MAP3K5: variants seen among roughly 807,000 people sequenced by gnomAD.
MAP3K5 encodes the protein mitogen-activated protein kinase kinase kinase 5, also known as ASK-1.
Under a neutral mutation model 158.7 loss-of-function variants are expected in MAP3K5, and 56 were observed. The observed-to-expected ratio is 0.35, with a 90% confidence interval of 0.28 to 0.44. MAP3K5 has a LOEUF of 0.44. Ranked by LOEUF, MAP3K5 falls within the 20% of genes least tolerant of loss-of-function variation. The probability of loss-of-function intolerance (pLI) is 1.00; values close to 1 mark genes in which losing one functional copy is unlikely to be tolerated. For missense variants in MAP3K5, 1,294 were observed against 1,674.8 expected, an observed-to-expected ratio of 0.77 and a Z score of 3.97; for synonymous variants, 579 against 601.7, an observed-to-expected ratio of 0.96 and a Z score of 0.55.
At chr6:136,770,252 T>G (rs1420444450) in intron 1 of MAP3K5, among the ~76,000 whole-genome samples, 1 of 152,162 alleles carries the variant, frequency 6.6e-6, no homozygotes, top group African/African-American at 2.4e-5. Flanking sequence ...TTTCACAAAT[T>G]ATATTACAGT....
At chr6:136,662,522 CCTCT>C (rs926837448) in intron 8 of MAP3K5, among the ~76,000 whole-genome samples, 6 of 151,062 alleles carry the variant, frequency 4.0e-5, no homozygotes, top group Non-Finnish European at 7.4e-5. Flanking sequence ...TCTCTCTCTC[CCTCT>C]CTCTCTTCCT....
chr6:136,755,616 G>A (rs1783441284), intron 1 of MAP3K5, among the ~76,000 whole-genome samples: 1 of 150,838 alleles, frequency 6.6e-6, no homozygotes, highest in Admixed American at 6.6e-5. Context: ...AAGAGCCTGG[G>A]AGGTCAAGGC....
At chr6:136,560,514 A>G (rs1335279862) in intron 28 of MAP3K5, among the ~76,000 whole-genome samples, 8 of 152,212 alleles carry the variant, frequency 5.3e-5, no homozygotes, top group African/African-American at 1.9e-4. Context: ...TACAGAGCAG[A>G]GAGGAATTAG....
intron 1 of MAP3K5, among the ~76,000 whole-genome samples, chr6:136,757,102 C>A (rs1783524647): frequency 6.6e-6 from 1 of 152,202 alleles, no homozygotes; most frequent in Admixed American, 6.5e-5. Context: ...CTAGACCATT[C>A]AAGTCATCTA....
At position 136,618,312 on chromosome 6, in the gene MAP3K5, A is replaced by AT. The variant is rs781606315; in HGVS notation, c.2151-4027_2151-4026insA. Among the ~76,000 whole-genome samples the AT allele has an allele frequency of 3.9e-5, 6 of 152,336 alleles. No individual in the cohort carries two copies. In the East Asian group the frequency reaches 7.7e-4, roughly 20 times the overall value. The stretch of plus-strand genomic sequence containing the variant: ...ACTTTGTTTGCTGTATCTTCACAAT[A>AT]ATAGAGTTGTCTGCGATCTCTTTAC... On this transcript the variant is annotated intron_variant, in intron 15 of 29. Coordinates refer to ENST00000359015, the MANE Select transcript of MAP3K5 (RefSeq NM_005923.4).
intron 8 of MAP3K5, among the ~76,000 whole-genome samples, chr6:136,667,934 G>A (rs952492480): frequency 6.6e-5 from 10 of 151,768 alleles, no homozygotes; most frequent in Non-Finnish European, 1.3e-4. Context: ...CATTCTTTTA[G>A]TCTGGGCATT....
At chr6:136,729,501 C>A (rs772170392) in intron 1 of MAP3K5, among the ~76,000 whole-genome samples, 2 of 152,178 alleles carry the variant, frequency 1.3e-5, no homozygotes, top group Admixed American at 6.5e-5. Context: ...CCAGAGGAGA[C>A]CCTTTGAGCA....
chr6:136,792,481 A>C, upstream of MAP3K5: 1 of 704,458 alleles, frequency 1.4e-6, no homozygotes, highest in Non-Finnish European at 1.7e-6. This position sits in a 1 kb window ranked among gnomAD's most constrained non-coding sequence, Gnocchi z 5.7. Context: ...TCGGCTCGCA[A>C]ACCTGCGCCG....
chr6:136,788,417 T>C (rs2115067425), intron 1 of MAP3K5, among the ~76,000 whole-genome samples: 1 of 152,070 alleles, frequency 6.6e-6, no homozygotes, highest in East Asian at 1.9e-4. Flanking sequence ...AAAACAAAAA[T>C]GACAAATGGG....
chr6:136,752,391 T>A (rs538541455), intron 1 of MAP3K5, among the ~76,000 whole-genome samples: 1 of 152,272 alleles, frequency 6.6e-6, no homozygotes, highest in South Asian at 2.1e-4. Context: ...GTGGGTCATA[T>A]CTGCCATTTC....
rs1436820643 is a variant in MAP3K5, at chr6:136,636,220, G to A, written c.2016+1105C>T. On this transcript the variant is annotated intron_variant, in intron 14 of 29. Transcript: ENST00000359015. Reference sequence around the variant, plus strand: ...AGAGCAGGGTAACATTAGTGGCCTTGTAAGAGAGACCACAGAGAGCTAGCC... The same window carrying A: ...AGAGCAGGGTAACATTAGTGGCCTTATAAGAGAGACCACAGAGAGCTAGCC... 2.6e-5 allele frequency among the ~76,000 whole-genome samples: 4 copies of A among 152,182 alleles called. No homozygotes were observed. In the East Asian group the frequency reaches 7.7e-4, roughly 29 times the overall value.
chr6:136,726,496 G>GGCT (rs1427790762), intron 1 of MAP3K5, among the ~76,000 whole-genome samples: 3 of 152,122 alleles, frequency 2.0e-5, no homozygotes, highest in African/African-American at 7.2e-5. Flanking sequence ...GGGAGGCTGA[G>GGCT]GCACAAGCAT....
At chr6:136,723,457 A>T (rs1306184928) in intron 1 of MAP3K5, among the ~76,000 whole-genome samples, 1 of 152,132 alleles carries the variant, frequency 6.6e-6, no homozygotes, top group African/African-American at 2.4e-5. Flanking sequence ...ATACCTGAAA[A>T]GTTGTACACC....
Position 136,609,295 on chromosome 6 carries a change from C to A in MAP3K5, c.2521+1987G>T, listed in dbSNP as rs1239223158. ...TTAATAGGTCAGAATTTAGTTTTTT[C>A]AAAAAAATATATTCAAAATGTGTTT... is the stretch of plus-strand genomic sequence containing the variant. On this transcript the variant is annotated intron_variant, in intron 18 of 29. Transcript: ENST00000359015. The surrounding 1 kb of genome is among the most constrained non-coding windows in gnomAD (Gnocchi z 4.4). Among the ~76,000 whole-genome samples, 2 of 151,756 alleles carry A rather than the reference C, an allele frequency of 1.3e-5. No homozygotes were observed. Among genetic ancestry groups the A allele is most frequent in the Non-Finnish European group, 2.9e-5 (2 of 67,916 alleles).
At chr6:136,672,919 G>A (rs13216880) in intron 7 of MAP3K5, among the ~76,000 whole-genome samples, 1 of 151,308 alleles carries the variant, frequency 6.6e-6, no homozygotes, top group Admixed American at 6.6e-5. Context: ...GAACCCCGGA[G>A]GTGGAGGTTG....
chr6:136,790,362 A>C (rs1785023870), intron 1 of MAP3K5, among the ~76,000 whole-genome samples: 1 of 152,194 alleles, frequency 6.6e-6, no homozygotes, highest in Admixed American at 6.5e-5. Flanking sequence ...CATATCTTTT[A>C]GTTCTTTGAA....
chr6:136,698,185 C>G (rs1408841863), intron 4 of MAP3K5, among the ~76,000 whole-genome samples: 2 of 152,224 alleles, frequency 1.3e-5, no homozygotes, highest in African/African-American at 2.4e-5. Context: ...TGCCCTTACA[C>G]TAGAAGTCCC....
rs1397921134 is a variant in MAP3K5, at chr6:136,639,558, T to C, written c.1919A>G (p.Glu640Gly). 1.1e-5 allele frequency: 17 copies of C among 1,587,462 alleles called. No individual in the cohort carries two copies. Among genetic ancestry groups the C allele is most frequent in the African/African-American group, 2.7e-5 (2 of 73,794 alleles). ...SDDFQIYFCT[E>G]LHCKKFFEMV... ...TAATACGTACTTTTTACAATGAAGTTCTGTACAGAAATAGATTTGGAAATC... is the reference window on the plus strand; with the variant it reads ...TAATACGTACTTTTTACAATGAAGTCCTGTACAGAAATAGATTTGGAAATC... Residue 640 changes from glutamate to glycine, a missense_variant, in exon 13 of 30, where the codon GAA becomes GGA. By Grantham distance (98) the Glu-to-Gly change is moderately conservative (BLOSUM62 -2). Around this residue, in one of 5 missense-constraint regions of MAP3K5, gnomAD observed 690 missense variants for 870.5 expected, o/e 0.79. Coordinates refer to ENST00000359015, the MANE Select transcript of MAP3K5 (RefSeq NM_005923.4).
intron 2 of MAP3K5, 99 bp from the exon 3 acceptor site, chr6:136,705,232 T>C (rs1781022568): frequency 3.6e-6 from 2 of 559,858 alleles, no homozygotes; most frequent in Non-Finnish European, 6.3e-6. Context: ...TTAACAATGA[T>C]ATTAGCAATT....
Sources: allele counts gnomAD v4.1 joint callset (sites outside exome capture counted in the v4.1 genomes callset), GRCh38; gene constraint gnomAD v4.1.1; regional missense constraint gnomAD v4.1.1; non-coding constraint Gnocchi (gnomAD v3.1); transcripts MANE v1.5; gene names NCBI Gene and HGNC (gene_info 2026-07-23, HGNC 2026-07-21).